The following ACOXL variants were observed in gnomAD, a reference collection of about 807,000 sequenced individuals.
The protein encoded by ACOXL is acyl-CoA oxidase like.
Under a neutral mutation model 71.9 loss-of-function variants are expected in ACOXL, and 70 were observed. The observed-to-expected ratio is 0.97, with a 90% CI of 0.80 to 1.19. The LOEUF (loss-of-function observed/expected upper bound fraction) is 1.19, where lower values mean the gene tolerates loss of function less well. Ranked by LOEUF, ACOXL falls within the 50% of genes most tolerant of loss-of-function variation. The probability of loss-of-function intolerance (pLI) is 0.00; values close to 1 mark genes in which losing one functional copy is unlikely to be tolerated. For synonymous variants in ACOXL, 253 were observed against 281.6 expected, an observed-to-expected ratio of 0.90 and a Z score of 1.02; for missense variants, 703 against 736.3, an observed-to-expected ratio of 0.95 and a Z score of 0.52.
chr2:110,773,116 T>A (rs371946645), intron 2 of ACOXL, among the ~76,000 whole-genome samples: 2 of 152,202 alleles, frequency 1.3e-5, no homozygotes, highest in East Asian at 3.8e-4. Context: ...CTCAGGAAGC[T>A]CAGTCTCAGC....
chr2:110,902,184 A>C (rs149042980), intron 10 of ACOXL, among the ~76,000 whole-genome samples: 122 of 152,212 alleles, frequency 8.0e-4, no homozygotes, highest in Non-Finnish European at 1.3e-3. Flanking sequence ...AAAAACAAAA[A>C]ACAGGGCTGG....
chr2:110,956,345 G>A (rs1184451342), intron 12 of ACOXL, among the ~76,000 whole-genome samples: 2 of 152,170 alleles, frequency 1.3e-5, no homozygotes, highest in Admixed American at 1.3e-4. Flanking sequence ...TGCATTTGGT[G>A]ACAGGATCCA....
At chr2:111,057,248 TTA>T (rs2066587658) in intron 16 of ACOXL, among the ~76,000 whole-genome samples, 1 of 152,288 alleles carries the variant, frequency 6.6e-6, no homozygotes, top group African/African-American at 2.4e-5. Flanking sequence ...ACTTTTCCAT[TTA>T]TAGAGTGTTT....
chr2:110,853,360 C>G (rs1692847717), intron 10 of ACOXL, among the ~76,000 whole-genome samples: 1 of 152,184 alleles, frequency 6.6e-6, no homozygotes, highest in Admixed American at 6.5e-5. Context: ...AAACTGCCCT[C>G]GACTGAGAGC....
chr2:110,934,935 C>A (rs1410309784), intron 12 of ACOXL, among the ~76,000 whole-genome samples: 1 of 152,172 alleles, frequency 6.6e-6, no homozygotes, highest in Admixed American at 6.5e-5. Context: ...TCCTCCAAGG[C>A]AGCTGGGGCA....
chr2:110,858,564 C>T (rs1533299), intron 10 of ACOXL, among the ~76,000 whole-genome samples: 58,992 of 152,046 alleles, frequency 0.39, 11,706 homozygotes, highest in South Asian at 0.58. Flanking sequence ...ATTTGCTTCA[C>T]AAGGCGTTGC....
intron 11 of ACOXL, among the ~76,000 whole-genome samples, chr2:110,930,775 C>T (rs1280122778): frequency 6.6e-6 from 1 of 152,148 alleles, no homozygotes; most frequent in Non-Finnish European, 1.5e-5. Flanking sequence ...CAAGAGGTTT[C>T]CCCTTTCACT....
chr2:110,953,643 C>G (rs879265474), intron 12 of ACOXL, among the ~76,000 whole-genome samples: 1 of 152,000 alleles, frequency 6.6e-6, no homozygotes, highest in Non-Finnish European at 1.5e-5. Flanking sequence ...TGTATTCGTC[C>G]ATTTTTACAC....
In ACOXL at chr2:110,741,039, C is replaced by T. The variant is rs980338449; in HGVS notation, c.-23+8265C>T. ...AGGAGGAAGTGACTTACTCAAGTGTCATTCTCTTTTCTCTATTAAAATATG... is the reference window on the plus strand; with the variant it reads ...AGGAGGAAGTGACTTACTCAAGTGTTATTCTCTTTTCTCTATTAAAATATG... On this transcript the variant is annotated intron_variant, in intron 1 of 17. Coordinates refer to ENST00000439055, the MANE Select transcript of ACOXL (RefSeq NM_001142807.4). 1.6e-4 allele frequency among the ~76,000 whole-genome samples: 24 copies of T among 152,152 alleles called. 1 individual carries two copies. The highest frequency in any genetic ancestry group is 5.8e-4 in the African/African-American group (24 of 41,420).
intron 9 of ACOXL, among the ~76,000 whole-genome samples, chr2:110,838,213 A>G (rs1690691897): frequency 7.2e-5 from 11 of 152,230 alleles, no homozygotes; most frequent in Admixed American, 7.2e-4. Context: ...GCACACAAGC[A>G]CTAAAAGACT....
intron 12 of ACOXL, among the ~76,000 whole-genome samples, chr2:110,941,239 C>T (rs2060857156): frequency 6.6e-6 from 1 of 152,178 alleles, no homozygotes; most frequent in Admixed American, 6.5e-5. Flanking sequence ...TTGAGGGGCA[C>T]TGTACACTGT....
At chr2:110,990,412 T>A (rs1376486969) in intron 13 of ACOXL, among the ~76,000 whole-genome samples, 1 of 152,254 alleles carries the variant, frequency 6.6e-6, no homozygotes, top group Non-Finnish European at 1.5e-5. Context: ...TAAATGTGTC[T>A]GTAGATTCTT....
chr2:111,006,563 T>C (rs1308651298), intron 14 of ACOXL, among the ~76,000 whole-genome samples: 1 of 151,910 alleles, frequency 6.6e-6, no homozygotes, highest in Non-Finnish European at 1.5e-5. Context: ...CCCTCTTTTT[T>C]TTTTTTCTTT....
chr2:110,902,770 T>C (rs17466576), intron 10 of ACOXL, among the ~76,000 whole-genome samples: 50,402 of 151,968 alleles, frequency 0.33, 8,536 homozygotes, highest in Middle Eastern at 0.39. Flanking sequence ...TGTCTAGGAG[T>C]GCCCCAGAGA....
intron 16 of ACOXL, among the ~76,000 whole-genome samples, chr2:111,070,660 A>AG (rs2067299003): frequency 6.6e-6 from 1 of 152,090 alleles, no homozygotes. Flanking sequence ...GTTAAAAAAA[A>AG]AAGTCTTTGC....
chr2:111,049,352 A>T, intron 16 of ACOXL, 64 bp downstream of exon 16: 1 of 1,296,164 alleles, frequency 7.7e-7, no homozygotes, highest in Non-Finnish European at 1.1e-6. Context: ...CCCTGAGGAG[A>T]GTTTCATTTT....
intron 14 of ACOXL, among the ~76,000 whole-genome samples, chr2:111,005,088 T>C (rs575741028): frequency 1.9e-4 from 29 of 152,332 alleles, no homozygotes; most frequent in African/African-American, 7.0e-4. Flanking sequence ...AGAATACAGA[T>C]GGACTTAAAA....
Position 110,768,473 on chromosome 2 carries a change from C to T in ACOXL, c.75+9C>T. ...GTGCAGGTCAGGATCTGGTAAGTGT[C>T]ATTATTATTCTGGTATGGTTGTGTG... On this transcript the variant is annotated intron_variant, in intron 2 of 17. Transcript: ENST00000439055. 3.1e-6 allele frequency: 5 copies of T among 1,598,368 alleles called. No homozygotes were observed. Among genetic ancestry groups the T allele is most frequent in the African/African-American group, 1.4e-5 (1 of 70,860 alleles).
At chr2:110,935,164 T>G (rs774951950) in intron 12 of ACOXL, among the ~76,000 whole-genome samples, 4 of 151,984 alleles carry the variant, frequency 2.6e-5, no homozygotes, top group Non-Finnish European at 5.9e-5. Flanking sequence ...AGTGGGGTGT[T>G]GGGGCACTGC....
Sources: gnomAD v4.1 joint callset for allele counts (sites outside exome capture counted in the v4.1 genomes callset) on GRCh38, gnomAD v4.1.1 for gene constraint, MANE v1.5 for transcripts, NCBI Gene and HGNC (gene_info 2026-07-23, HGNC 2026-07-21) for gene names.